KCNIP4: variants seen among roughly 807,000 people sequenced by gnomAD.
KCNIP4 encodes the protein Kv channel-interacting protein 4.
KCNIP4 carries 12 observed loss-of-function variants against 34.0 expected under a neutral mutation model. The ratio of observed to expected loss-of-function variants is 0.35; its 90% confidence interval spans 0.23 to 0.57. The LOEUF is 0.57. Among genes scored for constraint, KCNIP4 ranks in the 20% least tolerant of loss-of-function variants. The probability of loss-of-function intolerance (pLI) is 0.83; values close to 1 mark genes in which losing one functional copy is unlikely to be tolerated. For synonymous variants in KCNIP4, 124 were observed against 102.2 expected (o/e 1.21, Z -1.29); for missense variants, 238 against 311.7 (o/e 0.76, Z 1.78).
intron 1 of KCNIP4, among the ~76,000 whole-genome samples, chr4:21,616,154 A>G (rs1228350709): frequency 1.3e-5 from 2 of 152,060 alleles, no homozygotes; most frequent in Non-Finnish European, 2.9e-5. Context: ...CATCTTCATC[A>G]TGCTCCAGCC....
At chr4:21,326,326 G>T (rs567593079) in intron 1 of KCNIP4, among the ~76,000 whole-genome samples, 1 of 151,090 alleles carries the variant, frequency 6.6e-6, no homozygotes, top group African/African-American at 2.4e-5. Context: ...ACACATATTT[G>T]TTATACCCCC....
intron 1 of KCNIP4, among the ~76,000 whole-genome samples, chr4:21,904,247 G>A (rs1427595200): frequency 6.6e-6 from 1 of 152,032 alleles, no homozygotes; most frequent in Non-Finnish European, 1.5e-5. Context: ...GAATCAAATA[G>A]GTTCTAGAGT....
chr4:21,870,122 C>A (rs1725699237), intron 1 of KCNIP4, among the ~76,000 whole-genome samples: 1 of 152,134 alleles, frequency 6.6e-6, no homozygotes, highest in Non-Finnish European at 1.5e-5. Context: ...AGGTCCCTTG[C>A]AACTTAGCGT....
rs116715516 is a variant in KCNIP4, at chr4:20,746,292, T to C, written c.429+3370A>G. Among the ~76,000 whole-genome samples the C allele has an allele frequency of 3.9e-3, 598 of 152,088 alleles. 6 individuals carry two copies. The highest frequency in any genetic ancestry group is 0.013 in the African/African-American group (560 of 41,496). The stretch of plus-strand genomic sequence containing the variant: ...TGAGAACAGTAAACCAAACATTGCA[T>C]GTTCTCACTCATAGCTGGGAATTGA... On this transcript the variant is annotated intron_variant, in intron 5 of 8. Coordinates refer to ENST00000382152, the MANE Select transcript of KCNIP4 (RefSeq NM_025221.6).
In KCNIP4 at chr4:21,217,944, T is replaced by G. The variant is rs950663751; in HGVS notation, c.62-335235A>C. Reference sequence around the variant, plus strand: ...GCAATATTGCTCACTAAATTATTACTCATTGTGTCCAAAGTAGCTTTTGGT... The same window carrying G: ...GCAATATTGCTCACTAAATTATTACGCATTGTGTCCAAAGTAGCTTTTGGT... On this transcript the variant is annotated intron_variant, in intron 1 of 8. Transcript: ENST00000382152. Among the ~76,000 whole-genome samples the G allele has an allele frequency of 2.6e-5, 4 of 151,560 alleles. No individual in the cohort carries two copies. The South Asian group carries it at 6.2e-4, about 24-fold the overall frequency.
chr4:20,944,247 G>T (rs938598771), intron 1 of KCNIP4, among the ~76,000 whole-genome samples: 3 of 152,308 alleles, frequency 2.0e-5, no homozygotes, highest in South Asian at 4.1e-4. Context: ...TGGCCACCAT[G>T]AGTGATCTGG....
intron 3 of KCNIP4, among the ~76,000 whole-genome samples, chr4:20,822,914 C>T (rs1717285108): frequency 6.6e-6 from 1 of 152,068 alleles, no homozygotes; most frequent in Non-Finnish European, 1.5e-5. Flanking sequence ...GCCCTAGGCC[C>T]TTTTTCCCTT....
intron 1 of KCNIP4, among the ~76,000 whole-genome samples, chr4:21,232,974 T>C (rs1458395133): frequency 1.3e-5 from 2 of 152,084 alleles, no homozygotes; most frequent in Admixed American, 1.3e-4. Context: ...ACACTTAATC[T>C]GGAATTTGAA....
At chr4:21,799,557 T>C (rs914504732) in intron 1 of KCNIP4, among the ~76,000 whole-genome samples, 3 of 152,186 alleles carry the variant, frequency 2.0e-5, no homozygotes, top group Non-Finnish European at 4.4e-5. Flanking sequence ...TATTAATATA[T>C]ATTCACTTTC....
chr4:21,150,085 T>C (rs1292182587), intron 1 of KCNIP4, among the ~76,000 whole-genome samples: 1 of 151,986 alleles, frequency 6.6e-6, no homozygotes, highest in Admixed American at 6.6e-5. Flanking sequence ...GTACGTAGAG[T>C]CAAATGTTAT....
intron 1 of KCNIP4, among the ~76,000 whole-genome samples, chr4:21,777,140 T>G (rs1331623183): frequency 6.6e-6 from 1 of 152,182 alleles, no homozygotes; most frequent in Non-Finnish European, 1.5e-5. Context: ...CCTGCTGCCT[T>G]GTGAAGAAGG....
intron 1 of KCNIP4, among the ~76,000 whole-genome samples, chr4:21,151,783 T>C (rs75497604): frequency 0.025 from 3,838 of 152,220 alleles, 184 homozygotes; most frequent in African/African-American, 0.086. Flanking sequence ...TATGGGCTTT[T>C]ATCTAAGGAC....
intron 1 of KCNIP4, among the ~76,000 whole-genome samples, chr4:20,929,250 C>T (rs1268569893): frequency 2.0e-5 from 3 of 151,988 alleles, no homozygotes; most frequent in Admixed American, 1.3e-4. Flanking sequence ...CAATGTGACA[C>T]ATCACATTAA....
At chr4:21,229,874 T>C (rs552678496) in intron 1 of KCNIP4, among the ~76,000 whole-genome samples, 73 of 152,332 alleles carry the variant, frequency 4.8e-4, no homozygotes, top group African/African-American at 1.7e-3. Context: ...AGCTGTAATC[T>C]ACTTGTTGTA....
chr4:21,831,322 A>T (rs168626), intron 1 of KCNIP4, among the ~76,000 whole-genome samples: 132,317 of 151,868 alleles, frequency 0.87, 57,840 homozygotes, highest in South Asian at 0.92. Flanking sequence ...ATAAATGAAA[A>T]AGAGACCAGA....
chr4:21,085,680 A>G (rs1746363645), intron 1 of KCNIP4, among the ~76,000 whole-genome samples: 1 of 152,206 alleles, frequency 6.6e-6, no homozygotes, highest in African/African-American at 2.4e-5. Flanking sequence ...AATTTCATAT[A>G]AATAGTTTAC....
intron 2 of KCNIP4, among the ~76,000 whole-genome samples, chr4:20,862,589 G>A (rs1310930529): frequency 2.0e-5 from 3 of 152,106 alleles, no homozygotes; most frequent in Non-Finnish European, 4.4e-5. Context: ...AATTAAAAAT[G>A]CCCTATCAAA....
intron 1 of KCNIP4, among the ~76,000 whole-genome samples, chr4:21,075,909 G>A (rs1448016391): frequency 6.6e-6 from 1 of 152,078 alleles, no homozygotes; most frequent in African/African-American, 2.4e-5. Context: ...GCTTAGTTTG[G>A]CTGGATATGA....
In KCNIP4 at chr4:20,868,024, TA is replaced by T. The variant is rs1228346726; in HGVS notation, c.163+14583del. 3.6e-4 allele frequency among the ~76,000 whole-genome samples: 17 copies of T among 47,262 alleles called. No individual in the cohort carries two copies. The South Asian group carries it at 3.8e-3, about 11-fold the overall frequency. 31.0% of individuals were successfully genotyped at this position (47,262 alleles called of 152,430 possible). A position where few individuals can be genotyped will look rare whatever the true frequency, so the allele number is the denominator to read the frequency against. On this transcript the variant is annotated intron_variant, in intron 2 of 8. Transcript: ENST00000382152. ...CCTAAAACTTAAAGTATAATAATAA[TA>T]AAAAAAAGAAGCTATCAACAAAGCC...
Sources: gnomAD v4.1 joint callset for allele counts (sites outside exome capture counted in the v4.1 genomes callset) on GRCh38, gnomAD v4.1.1 for gene constraint, MANE v1.5 for transcripts, NCBI Gene and HGNC (gene_info 2026-07-23, HGNC 2026-07-21) for gene names.